The following KAZN variants were observed in gnomAD, a reference collection of about 807,000 sequenced individuals.
KAZN encodes kazrin, periplakin interacting protein.
A neutral mutation model predicts 87.4 loss-of-function variants in KAZN; 40 were observed. That is an observed-to-expected ratio of 0.46 (90% confidence interval 0.36 to 0.60). The LOEUF (loss-of-function observed/expected upper bound fraction) is 0.60, where lower values mean the gene tolerates loss of function less well. Among genes scored for constraint, KAZN ranks in the 20% least tolerant of loss-of-function variants. The probability of loss-of-function intolerance (pLI) is 0.00; values close to 1 mark genes in which losing one functional copy is unlikely to be tolerated. For missense variants in KAZN, 898 were observed against 1,073.9 expected, an observed-to-expected ratio of 0.84 and a Z score of 2.29; for synonymous variants, 466 against 458.3, an observed-to-expected ratio of 1.02 and a Z score of -0.22.
At chr1:14,390,199 G>A (rs190941220) in intron 2 of KAZN, among the ~76,000 whole-genome samples, 1 of 152,234 alleles carries the variant, frequency 6.6e-6, no homozygotes, top group East Asian at 1.9e-4. Flanking sequence ...CCTCTACTAG[G>A]TGCTCAACAA....
At position 14,598,939 on chromosome 1, in the gene KAZN, C is replaced by A. The variant is rs1282749362; in HGVS notation, c.-59C>A. 2.3e-5 allele frequency: 36 copies of A among 1,555,754 alleles called. No individual in the cohort carries two copies. The highest frequency in any genetic ancestry group is 3.0e-5 in the Non-Finnish European group (35 of 1,155,492). On this transcript the variant is annotated 5_prime_UTR_variant, in exon 1 of 15. Coordinates refer to ENST00000376030, the MANE Select transcript of KAZN (RefSeq NM_201628.3). The surrounding 1 kb of genome is among the most constrained non-coding windows in gnomAD (Gnocchi z 4.2). ...GAGCCGGGGGTGCCCGGCCGCGCGC[C>A]CCCCGCGCATCATGCAGCTCTTTGT... is the stretch of plus-strand genomic sequence containing the variant.
intron 1 of KAZN, among the ~76,000 whole-genome samples, chr1:14,668,695 C>G (rs1203024242): frequency 6.6e-6 from 1 of 152,200 alleles, no homozygotes; most frequent in East Asian, 1.9e-4. Flanking sequence ...CTGTCAGCAG[C>G]TGCTCCCCAG....
chr1:15,031,479 C>T (rs1162662562), intron 2 of KAZN, among the ~76,000 whole-genome samples: 3 of 152,130 alleles, frequency 2.0e-5, no homozygotes, highest in African/African-American at 7.2e-5. Context: ...TTCCGTGCAC[C>T]AAGGAGCCAG....
chr1:14,777,162 T>G (rs371462911), intron 1 of KAZN, among the ~76,000 whole-genome samples: 10,128 of 93,126 alleles, frequency 0.11, 634 homozygotes, highest in Admixed American at 0.3. Context: ...TAATTTTTTT[T>G]TTTTTTTGTA....
intron 1 of KAZN, among the ~76,000 whole-genome samples, chr1:13,994,276 A>C (rs942713943): frequency 1.2e-4 from 19 of 152,242 alleles, no homozygotes; most frequent in African/African-American, 3.4e-4. Context: ...TTGTAGGCAC[A>C]AAAGCATACC....
chr1:14,784,588 G>A (rs887543032), intron 1 of KAZN, among the ~76,000 whole-genome samples: 8 of 152,028 alleles, frequency 5.3e-5, no homozygotes, highest in South Asian at 2.1e-4. Flanking sequence ...GTAAAACCCC[G>A]TCTCTACAAA....
At chr1:14,685,227 C>A (rs574546435) in intron 1 of KAZN, among the ~76,000 whole-genome samples, 4 of 152,322 alleles carry the variant, frequency 2.6e-5, no homozygotes, top group Admixed American at 2.6e-4. Flanking sequence ...GGAGCTTAAT[C>A]CTGCCGGAGA....
intron 2 of KAZN, among the ~76,000 whole-genome samples, chr1:14,441,976 T>G (rs564399591): frequency 2.0e-5 from 3 of 152,260 alleles, no homozygotes; most frequent in African/African-American, 7.2e-5. Context: ...AGGGCTGCCA[T>G]GTAGGGTTGA....
intron 1 of KAZN, among the ~76,000 whole-genome samples, chr1:13,967,399 C>A (rs1435753947): frequency 2.0e-5 from 3 of 152,184 alleles, no homozygotes; most frequent in Non-Finnish European, 4.4e-5. Flanking sequence ...TCTCCCCACC[C>A]TTCCCCAAGT....
intron 1 of KAZN, among the ~76,000 whole-genome samples, chr1:13,961,716 G>C (rs1196677607): frequency 1.3e-5 from 2 of 152,168 alleles, no homozygotes; most frequent in Admixed American, 6.5e-5. Flanking sequence ...ACTCAGACAA[G>C]GACCATACCT....
intron 2 of KAZN, among the ~76,000 whole-genome samples, chr1:14,272,632 G>A (rs1018803735): frequency 2.6e-5 from 4 of 152,134 alleles, no homozygotes; most frequent in Non-Finnish European, 5.9e-5. Flanking sequence ...GCCGAGGTGG[G>A]CGGATCATGA....
chr1:14,013,629 T>C lies in KAZN; in HGVS notation c.91+119873T>C, dbSNP rs540269647. Among the ~76,000 whole-genome samples, 3 of 152,330 alleles carry C rather than the reference T, an allele frequency of 2.0e-5. No individual in the cohort carries two copies. The East Asian group carries it at 5.8e-4, about 29-fold the overall frequency. Reference sequence around the variant, plus strand: ...AGGAAGGGTTCGATGGAAAATAACCTAGGAATATGGGACTTTAGTACCAGG... The same window carrying C: ...AGGAAGGGTTCGATGGAAAATAACCCAGGAATATGGGACTTTAGTACCAGG... On this transcript the variant is annotated intron_variant, in intron 1 of 16. Coordinates refer to the KAZN transcript ENST00000636203.
chr1:14,718,668 C>T (rs1406465414), intron 1 of KAZN, among the ~76,000 whole-genome samples: 2 of 152,178 alleles, frequency 1.3e-5, no homozygotes, highest in East Asian at 1.9e-4. Context: ...GTTTAGCACA[C>T]GCGGGCAGTG....
chr1:15,011,353 A>C (rs1180727779), intron 2 of KAZN, among the ~76,000 whole-genome samples: 1 of 152,148 alleles, frequency 6.6e-6, no homozygotes, highest in African/African-American at 2.4e-5. Flanking sequence ...TTTGCTTCCA[A>C]AATGCTCAGG....
At chr1:14,570,827 G>A (rs1424225746) in intron 2 of KAZN, among the ~76,000 whole-genome samples, 1 of 152,136 alleles carries the variant, frequency 6.6e-6, no homozygotes, top group Non-Finnish European at 1.5e-5. Flanking sequence ...AGTGGCTGTA[G>A]CATCTTATAT....
At chr1:14,658,645 AGGGAGTTTGGC>A (rs957135343) in intron 1 of KAZN, among the ~76,000 whole-genome samples, 7 of 152,334 alleles carry the variant, frequency 4.6e-5, no homozygotes, top group African/African-American at 1.4e-4. Flanking sequence ...ACTTTGGGAC[AGGGAGTTTGGC>A]TCTCTAAGCC....
chr1:14,349,875 G>C (rs1444745675), intron 2 of KAZN, among the ~76,000 whole-genome samples: 1 of 152,008 alleles, frequency 6.6e-6, no homozygotes, highest in Admixed American at 6.6e-5. Context: ...GGTGGCTCAC[G>C]CCTGTAATCC....
At position 14,958,735 on chromosome 1, in the gene KAZN, C is replaced by T. The variant is rs188469214; in HGVS notation, c.227-1949C>T. 7.1e-4 allele frequency among the ~76,000 whole-genome samples: 108 copies of T among 152,288 alleles called. 2 individuals carry two copies. The highest frequency in any genetic ancestry group is 2.5e-3 in the African/African-American group (102 of 41,550). Reference sequence around the variant, plus strand: ...ACACATCCCCTTTTACCAGCAGGGACGCTCCTGGCTCTACCTGCATGTGTC... The same window carrying T: ...ACACATCCCCTTTTACCAGCAGGGATGCTCCTGGCTCTACCTGCATGTGTC... On this transcript the variant is annotated intron_variant, in intron 1 of 14. Transcript: ENST00000376030.
intron 1 of KAZN, among the ~76,000 whole-genome samples, chr1:14,059,509 G>A (rs760729639): frequency 2.6e-5 from 4 of 152,166 alleles, no homozygotes; most frequent in African/African-American, 4.8e-5. Flanking sequence ...TTCTAGCCAC[G>A]CTGACAGCTG....
Sources: gnomAD v4.1 joint callset for allele counts (sites outside exome capture counted in the v4.1 genomes callset) on GRCh38, gnomAD v4.1.1 for gene constraint, Gnocchi (gnomAD v3.1) non-coding constraint, MANE v1.5 for transcripts, NCBI Gene and HGNC (gene_info 2026-07-23, HGNC 2026-07-21) for gene names.